The following PRDM5 variants were observed in gnomAD, a reference collection of about 807,000 sequenced individuals.
PRDM5 encodes PR/SET domain 5.
PRDM5 carries 56 observed loss-of-function variants against 81.2 expected under a neutral mutation model. That is an observed-to-expected ratio of 0.69 (90% confidence interval 0.56 to 0.86). The LOEUF (loss-of-function observed/expected upper bound fraction) is 0.86, where lower values mean the gene tolerates loss of function less well. Ranked by LOEUF, PRDM5 falls within the 40% of genes least tolerant of loss-of-function variation. PRDM5 has a pLI of 0.00. For synonymous variants in PRDM5, 267 were observed against 256.4 expected (o/e 1.04, Z -0.39); for missense variants, 697 against 770.1 (o/e 0.91, Z 1.12).
intron 10 of PRDM5, among the ~76,000 whole-genome samples, chr4:120,792,800 C>T (rs982632253): frequency 1.3e-5 from 2 of 152,028 alleles, no homozygotes; most frequent in Non-Finnish European, 2.9e-5. Context: ...GTGAAATAAA[C>T]CAGGCACAGA....
At chr4:120,768,665 T>C (rs1746767742) in intron 13 of PRDM5, among the ~76,000 whole-genome samples, 3 of 152,192 alleles carry the variant, frequency 2.0e-5, no homozygotes, top group Non-Finnish European at 1.5e-5. Context: ...CCAGCTCCAA[T>C]AGCACAGACT....
intron 13 of PRDM5, among the ~76,000 whole-genome samples, chr4:120,776,437 G>A (rs974436058): frequency 2.0e-5 from 3 of 152,052 alleles, no homozygotes; most frequent in Admixed American, 1.3e-4. Context: ...CATATACTAC[G>A]GCCCTTGAAG....
Position 120,693,935 on chromosome 4 carries a change from T to C in PRDM5, c.*1176A>G, listed in dbSNP as rs1196318297. 6.6e-6 allele frequency: 1 copy of C among 152,102 alleles called. No homozygotes were observed. Among genetic ancestry groups the C allele is most frequent in the Non-Finnish European group, 1.5e-5 (1 of 68,004 alleles). The allele number at this position is 152,102 out of a possible 1,614,324, so 9.4% of individuals were successfully genotyped here. On this transcript the variant is annotated 3_prime_UTR_variant, in exon 16 of 16. Transcript: ENST00000264808. ...TCAAGTATTTTGCTGAAATATAACC[T>C]AAAGGAAGAAATTATGCTTCTTGCT...
chr4:120,776,344 C>T (rs1194886736), intron 13 of PRDM5, among the ~76,000 whole-genome samples: 1 of 152,134 alleles, frequency 6.6e-6, no homozygotes, highest in Non-Finnish European at 1.5e-5. Context: ...ATTCTTTGGC[C>T]TACTTTAACA....
chr4:120,724,196 T>C (rs1739069491), intron 14 of PRDM5, among the ~76,000 whole-genome samples: 1 of 152,144 alleles, frequency 6.6e-6, no homozygotes, highest in South Asian at 2.1e-4. Flanking sequence ...GATGATGTCA[T>C]TGAGAGTAAT....
At chr4:120,814,448 T>G (rs2149331678) in intron 7 of PRDM5, among the ~76,000 whole-genome samples, 1 of 152,346 alleles carries the variant, frequency 6.6e-6, no homozygotes, top group Admixed American at 6.5e-5. Flanking sequence ...CACAATCACT[T>G]AAGTACTCAA....
At chr4:120,718,138 AC>A (rs1738068580) in intron 14 of PRDM5, among the ~76,000 whole-genome samples, 1 of 152,198 alleles carries the variant, frequency 6.6e-6, no homozygotes, top group Non-Finnish European at 1.5e-5. Context: ...CTGTGAATGC[AC>A]TAGGGATACA....
At chr4:120,906,434 C>G (rs534091068) in intron 2 of PRDM5, among the ~76,000 whole-genome samples, 5 of 152,204 alleles carry the variant, frequency 3.3e-5, no homozygotes, top group Non-Finnish European at 7.3e-5. Flanking sequence ...CAAATATGCT[C>G]TATGATGTTC....
At chr4:120,820,113 T>C (rs1755065871) in intron 4 of PRDM5, among the ~76,000 whole-genome samples, 1 of 152,238 alleles carries the variant, frequency 6.6e-6, no homozygotes, top group African/African-American at 2.4e-5. Flanking sequence ...ACGTTGAAAC[T>C]GAAACCGCAA....
At chr4:120,900,826 TA>T (rs891776713) in intron 2 of PRDM5, among the ~76,000 whole-genome samples, 56 of 152,022 alleles carry the variant, frequency 3.7e-4, no homozygotes, top group Middle Eastern at 6.8e-3. Context: ...ATTTATTGCT[TA>T]AAAAAAAGTT....
intron 14 of PRDM5, among the ~76,000 whole-genome samples, chr4:120,714,980 CT>C (rs936452647): frequency 6.6e-6 from 1 of 152,168 alleles, no homozygotes; most frequent in Non-Finnish European, 1.5e-5. Context: ...AGTTAAATGT[CT>C]CAAGTACCAA....
chr4:120,791,496 A>G (rs900020877), intron 10 of PRDM5, among the ~76,000 whole-genome samples: 1 of 152,222 alleles, frequency 6.6e-6, no homozygotes, highest in African/African-American at 2.4e-5. Context: ...TGCAAATGTT[A>G]CTAAAGATTT....
chr4:120,775,316 TA>T (rs1747992713), intron 13 of PRDM5, among the ~76,000 whole-genome samples: 1 of 152,166 alleles, frequency 6.6e-6, no homozygotes, highest in South Asian at 2.1e-4. Context: ...AAAATCCTCT[TA>T]TTATTGTAAT....
At chr4:120,912,146 A>T (rs777495198) in intron 1 of PRDM5, among the ~76,000 whole-genome samples, 1 of 152,216 alleles carries the variant, frequency 6.6e-6, no homozygotes, top group Non-Finnish European at 1.5e-5. Context: ...CAAAAGGTTG[A>T]TGGTGAAAAA....
chr4:120,699,734 A>G (rs1446757306), intron 15 of PRDM5, among the ~76,000 whole-genome samples: 1 of 146,138 alleles, frequency 6.8e-6, no homozygotes, highest in Non-Finnish European at 1.6e-5. Flanking sequence ...CTCTACAAGT[A>G]GAACTACAGA....
At chr4:120,870,140 G>C (rs1326694794) in intron 2 of PRDM5, among the ~76,000 whole-genome samples, 2 of 152,066 alleles carry the variant, frequency 1.3e-5, no homozygotes, top group African/African-American at 4.8e-5. Context: ...GACAGAGGAA[G>C]GGAGGGAGAG....
intron 10 of PRDM5, among the ~76,000 whole-genome samples, chr4:120,795,306 A>G (rs191152920): frequency 6.6e-6 from 1 of 152,252 alleles, no homozygotes; most frequent in Admixed American, 6.5e-5. Flanking sequence ...GCACTGTACA[A>G]CTTACCCAAA....
At chr4:120,803,799 C>G (rs548737513) in intron 8 of PRDM5, among the ~76,000 whole-genome samples, 1 of 152,082 alleles carries the variant, frequency 6.6e-6, no homozygotes, top group African/African-American at 2.4e-5. Flanking sequence ...CATCAACTAA[C>G]GAGCAAAATA....
intron 15 of PRDM5, among the ~76,000 whole-genome samples, chr4:120,708,387 C>A (rs1736497061): frequency 6.6e-6 from 1 of 151,988 alleles, no homozygotes; most frequent in South Asian, 2.1e-4. Context: ...AGAAGCCAGT[C>A]ACAAAAGGTC....
Sources: gnomAD v4.1 joint callset for allele counts (sites outside exome capture counted in the v4.1 genomes callset) on GRCh38, gnomAD v4.1.1 for gene constraint, MANE v1.5 for transcripts, NCBI Gene and HGNC (gene_info 2026-07-23, HGNC 2026-07-21) for gene names.